The following EXOC7 variants were observed in gnomAD, a reference collection of about 807,000 sequenced individuals.
EXOC7 encodes the protein exocyst complex component Exo70.
EXOC7 carries 51 observed loss-of-function variants against 87.6 expected under a neutral mutation model. That is an observed-to-expected ratio of 0.58 (90% CI 0.46 to 0.73). EXOC7 has a LOEUF of 0.73. Ranked by LOEUF, EXOC7 falls within the 30% of genes least tolerant of loss-of-function variation. The pLI is 0.00. For missense variants in EXOC7, 744 were observed against 888.4 expected, an observed-to-expected ratio of 0.84 and a Z score of 2.07; for synonymous variants, 327 against 357.1, an observed-to-expected ratio of 0.92 and a Z score of 0.95.
At chr17:76,084,343 T>A in intron 16 of EXOC7, 54 bp from the exon 17 acceptor site, 1 of 1,611,632 alleles carries the variant, frequency 6.2e-7, no homozygotes, top group Non-Finnish European at 8.5e-7. Context: ...AGAGCAGCCT[T>A]CCCCCACTCT....
At position 76,091,148 on chromosome 17, in the gene EXOC7, A is replaced by T. The variant is rs995985261; in HGVS notation, c.896T>A (p.Leu299Gln). Residue 299 changes from leucine to glutamine, a missense_variant, in exon 7 of 19, where the codon CTG becomes CAG. Transcript: ENST00000589210. ...GKKGGSNLIP[L>Q]EGRDDMLDVE... ...GGGGAACACAGGGTGATTACCTTCC[A>T]GAGGAATGAGGTTAGAGCCCCCCTT... 7 of 1,613,448 alleles carry T rather than the reference A, an allele frequency of 4.3e-6. No individual in the cohort carries two copies. The highest frequency in any genetic ancestry group is 5.9e-6 in the Non-Finnish European group (7 of 1,179,458).
chr17:76,086,649 C>T (rs528998035), intron 12 of EXOC7, among the ~76,000 whole-genome samples: 3 of 152,226 alleles, frequency 2.0e-5, no homozygotes, highest in Non-Finnish European at 2.9e-5. Context: ...GGGGTGTATC[C>T]AGGGCTCTAG....
At chr17:76,088,991 A>G in intron 8 of EXOC7, 68 bp from the exon 9 acceptor site, 1 of 1,539,808 alleles carries the variant, frequency 6.5e-7, no homozygotes, top group Non-Finnish European at 8.9e-7. Context: ...CTAGTGGGGG[A>G]TCCTTGCAGT....
chr17:76,092,732 G>A (rs1245971725), intron 6 of EXOC7: 1 of 152,124 alleles, frequency 6.6e-6, no homozygotes, highest in Non-Finnish European at 1.5e-5. Flanking sequence ...ACAGACGCAG[G>A]TGCACGCCGG....
rs1373887778 is a variant in EXOC7 at position 76,081,501 on chromosome 17, C to T, written c.*2147G>A. On this transcript the variant is annotated 3_prime_UTR_variant, in exon 19 of 19. Coordinates refer to ENST00000589210, the MANE Select transcript of EXOC7 (RefSeq NM_001013839.4). The stretch of plus-strand genomic sequence containing the variant: ...CAGGCCCCATGCCCCCGATGCCCAC[C>T]TCCTTCCCCCCCGCCGGGAAGGCCC... The T allele has an allele frequency of 3.7e-6, 6 of 1,610,458 alleles. No homozygotes were observed. Among genetic ancestry groups the T allele is most frequent in the Non-Finnish European group, 5.1e-6 (6 of 1,178,676 alleles).
intron 15 of EXOC7, 155 bp from the exon 16 acceptor site, chr17:76,084,735 G>A (rs1056498917): frequency 3.1e-6 from 2 of 638,746 alleles, no homozygotes; most frequent in Admixed American, 5.8e-5. Context: ...TTCCTGGGAA[G>A]AGAAAATCTT....
Position 76,082,002 on chromosome 17 carries a change from G to C in EXOC7, c.*1646C>G, listed in dbSNP as rs1567950421. 2 of 1,611,692 alleles carry C rather than the reference G, an allele frequency of 1.2e-6. No individual in the cohort carries two copies. The highest frequency in any genetic ancestry group is 1.7e-6 in the Non-Finnish European group (2 of 1,179,548). On this transcript the variant is annotated 3_prime_UTR_variant, in exon 19 of 19. Transcript: ENST00000589210. ...AAGAGCGGCCCCAGCCCAGCCCCGA[G>C]AGGGGAACAGCGAGAGCACGGCAAC...
At chr17:76,087,940 C>T (rs2067287433) in intron 11 of EXOC7, 120 bp downstream of exon 11, 1 of 1,204,870 alleles carries the variant, frequency 8.3e-7, no homozygotes, top group Non-Finnish European at 1.2e-6. Flanking sequence ...GGACTGCTCA[C>T]AAAGGTGCGA....
chr17:76,096,010 G>A (rs769479260), intron 5 of EXOC7, among the ~76,000 whole-genome samples: 108 of 152,294 alleles, frequency 7.1e-4, no homozygotes, highest in Non-Finnish European at 1.1e-3. Flanking sequence ...GAGAGGTCTG[G>A]AGGCTGTCCA....
chr17:76,082,359 TAAGA>T lies in EXOC7; in HGVS notation c.*1285_*1288del. 4 of 1,254,362 alleles carry T rather than the reference TAAGA, an allele frequency of 3.2e-6. No individual in the cohort carries two copies. Among genetic ancestry groups the T allele is most frequent in the East Asian group, 4.7e-5 (2 of 42,152 alleles). 77.7% of individuals were successfully genotyped at this position (1,254,362 alleles called of 1,614,324 possible). On this transcript the variant is annotated 3_prime_UTR_variant, in exon 19 of 19. Coordinates refer to ENST00000589210, the MANE Select transcript of EXOC7 (RefSeq NM_001013839.4). ...CCCAAATTTTCATCAGCTGAGAATCTAAGAAAGGAAGCGATACAGGCTGATGACC... is the reference window on the plus strand; with the variant it reads ...CCCAAATTTTCATCAGCTGAGAATCTAAGGAAGCGATACAGGCTGATGACC...
In EXOC7 at chr17:76,094,499, G is replaced by C; in HGVS notation, c.723C>G (p.Ser241Arg). The C allele has an allele frequency of 6.2e-7, 1 of 1,614,124 alleles. No individual in the cohort carries two copies. Among genetic ancestry groups the C allele is most frequent in the Non-Finnish European group, 8.5e-7 (1 of 1,180,016 alleles). Residue 241 changes from serine (S) to arginine (R), a missense_variant, in exon 6 of 19, where the codon AGC (serine) becomes AGG (arginine). Physicochemically the swap from Ser to Arg is moderately radical, Grantham distance 110. Transcript: ENST00000589210. Reference protein sequence around the residue: ...IKGLKEHFHKSSSSSGVPYSP... With the variant: ...IKGLKEHFHKRSSSSGVPYSP... ...AGTAGGGAACCCCAGAGGAAGAACT[G>C]CTCTTATGGAAATGCTCCTTCAGTC...
chr17:76,103,777 C>G lies in EXOC7; in HGVS notation c.-85G>C. ...CCCGTCCCCGTCACACCCACTTCCG[C>G]TCTTGGTCCCGCCCCGGGACGCCTG... On this transcript the variant is annotated 5_prime_UTR_variant, in exon 1 of 19. Transcript: ENST00000589210. 11 of 1,446,752 alleles carry G rather than the reference C, an allele frequency of 7.6e-6. No individual in the cohort carries two copies. In the South Asian group the frequency reaches 1.3e-4, roughly 17 times the overall value. 89.6% of individuals were successfully genotyped at this position (1,446,752 alleles called of 1,614,324 possible). A position where few individuals can be genotyped will look rare whatever the true frequency, so the allele number is the denominator to read the frequency against.
intron 12 of EXOC7, chr17:76,087,353 G>C: frequency 2.1e-6 from 1 of 470,750 alleles, no homozygotes; most frequent in Non-Finnish European, 3.8e-6. Flanking sequence ...GATTTGGGAG[G>C]GGGGCAGGGG....
chr17:76,096,403 T>A (rs910090760), intron 5 of EXOC7, among the ~76,000 whole-genome samples: 5 of 150,992 alleles, frequency 3.3e-5, no homozygotes, highest in African/African-American at 9.7e-5. Flanking sequence ...TAACCCCAGC[T>A]ACTTGGGAGG....
intron 15 of EXOC7, 36 bp downstream of exon 15, chr17:76,085,278 G>A (rs1487978314): frequency 1.1e-5 from 17 of 1,502,886 alleles, no homozygotes; most frequent in Non-Finnish European, 1.5e-5. Flanking sequence ...GTGGCACAGG[G>A]GCCCATGCAG....
intron 7 of EXOC7, chr17:76,090,437 TCCAGGGG>T: frequency 6.4e-7 from 1 of 1,551,616 alleles, no homozygotes. Context: ...GCAGCGTTTA[TCCAGGGG>T]CCAGGCAGGC....
At position 76,082,656 on chromosome 17, in the gene EXOC7, G is replaced by A; in HGVS notation, c.*992C>T. On this transcript the variant is annotated 3_prime_UTR_variant, in exon 19 of 19. Transcript: ENST00000589210. ...ATGGCAGGCGGCCTAGACTGTAAAG[G>A]GGCAGGGCCTGGGCTGCACACCTTA... The A allele has an allele frequency of 6.2e-7, 1 of 1,607,806 alleles. No homozygotes were observed. The highest frequency in any genetic ancestry group is 8.5e-7 in the Non-Finnish European group (1 of 1,177,268).
chr17:76,086,631 G>A (rs943512383), intron 12 of EXOC7, among the ~76,000 whole-genome samples: 2 of 152,166 alleles, frequency 1.3e-5, no homozygotes, highest in East Asian at 3.9e-4. Flanking sequence ...GAGGCCGGGC[G>A]AGCCTAGGGG....
rs41282077 is a variant in EXOC7, at chr17:76,103,317, G to C, written c.126+44C>G. ...CGCCAGGTCGCAAGGCTCTCCCCCA[G>C]GGTCCGGAGGCCTGCCCTCTCCCCC... On this transcript the variant is annotated intron_variant, in intron 2 of 18. Transcript: ENST00000589210. 1.4e-3 allele frequency: 2,084 copies of C among 1,543,446 alleles called. 2 individuals are homozygous for C. Among genetic ancestry groups the C allele is most frequent in the Non-Finnish European group, 1.7e-3 (1,976 of 1,138,298 alleles).
Sources: allele counts gnomAD v4.1 joint callset (sites outside exome capture counted in the v4.1 genomes callset), GRCh38; gene constraint gnomAD v4.1.1; transcripts MANE v1.5; gene names NCBI Gene and HGNC (gene_info 2026-07-23, HGNC 2026-07-21).